The following PDZD2 variants were observed in gnomAD, a reference collection of about 807,000 sequenced individuals.
PDZD2 encodes PDZ domain-containing protein 2.
In PDZD2, 90 loss-of-function variants were observed where a neutral mutation model predicts 220.7. The observed-to-expected ratio is 0.41, with a 90% CI of 0.34 to 0.49. The LOEUF is 0.49. Ranked by LOEUF, PDZD2 falls within the 20% of genes least tolerant of loss-of-function variation. The probability of loss-of-function intolerance (pLI) is 0.28; values close to 1 mark genes in which losing one functional copy is unlikely to be tolerated. For synonymous variants in PDZD2, 1,375 were observed against 1,450.5 expected, an observed-to-expected ratio of 0.95 and a Z score of 1.18; for missense variants, 3,174 against 3,608.5, an observed-to-expected ratio of 0.88 and a Z score of 3.08.
Position 32,048,562 on chromosome 5 carries a change from G to A in PDZD2, c.1543G>A (p.Val515Ile). ...LSGGVHRLES[V>I]EEYNELMVRN... ...AGGGGGTGTACACCGCCTTGAGTCAGTTGAAGAATATAACGAGCTGATGGT... is the reference window on the plus strand; with the variant it reads ...AGGGGGTGTACACCGCCTTGAGTCAATTGAAGAATATAACGAGCTGATGGT... The change falls in exon 8 of 25, where the codon GTT becomes ATT. Residue 515 changes from valine to isoleucine, a missense_variant. By Grantham distance (29) the Val-to-Ile change is conservative. Transcript: ENST00000438447. The A allele has an allele frequency of 6.2e-7, 1 of 1,613,954 alleles. No individual in the cohort carries two copies.
intron 14 of PDZD2, among the ~76,000 whole-genome samples, chr5:32,065,583 A>G (rs773493411): frequency 6.6e-6 from 1 of 152,210 alleles, no homozygotes; most frequent in Non-Finnish European, 1.5e-5. Context: ...CTATGGCTCT[A>G]TGTCTTGATC....
At chr5:32,022,193 G>T (rs9885422) in intron 6 of PDZD2, among the ~76,000 whole-genome samples, 99,446 of 140,238 alleles carry the variant, frequency 0.71, 36,015 homozygotes, top group Non-Finnish European at 0.78. Flanking sequence ...TTGTTTTTTT[G>T]TTTTTTGTTT....
intron 1 of PDZD2, among the ~76,000 whole-genome samples, chr5:31,721,626 G>T (rs1001829189): frequency 4.0e-5 from 6 of 150,560 alleles, no homozygotes; most frequent in Non-Finnish European, 8.8e-5. Context: ...ATATTTATGG[G>T]CTATCTTTAA....
intron 2 of PDZD2, among the ~76,000 whole-genome samples, chr5:31,898,081 A>G (rs1238219600): frequency 6.6e-6 from 1 of 152,058 alleles, no homozygotes; most frequent in Non-Finnish European, 1.5e-5. Context: ...GAGGGTGGAC[A>G]CTCATCATTT....
intron 1 of PDZD2, among the ~76,000 whole-genome samples, chr5:31,796,863 A>G (rs1415244852): frequency 6.6e-6 from 1 of 152,042 alleles, no homozygotes; most frequent in Non-Finnish European, 1.5e-5. Flanking sequence ...GTTTTCCTCA[A>G]TCAGACTTAT....
chr5:32,047,561 A>G (rs534621767), intron 7 of PDZD2, among the ~76,000 whole-genome samples: 3 of 152,356 alleles, frequency 2.0e-5, no homozygotes, highest in Admixed American at 1.3e-4. Flanking sequence ...AGAATACGCA[A>G]CAAAGGCCAT....
chr5:31,693,434 G>T (rs1747229529), intron 1 of PDZD2, among the ~76,000 whole-genome samples: 2 of 152,074 alleles, frequency 1.3e-5, no homozygotes, highest in Non-Finnish European at 2.9e-5. Flanking sequence ...TAAAGACGGG[G>T]TGTCATCATA....
chr5:31,849,939 T>C (rs1315226677), intron 2 of PDZD2, among the ~76,000 whole-genome samples: 382 of 28,460 alleles, frequency 0.013, 130 homozygotes, highest in African/African-American at 0.088. Flanking sequence ...TATACACATA[T>C]ATATATATAC....
intron 2 of PDZD2, among the ~76,000 whole-genome samples, chr5:31,920,517 A>C (rs984788811): frequency 5.2e-4 from 21 of 40,764 alleles, no homozygotes; most frequent in Admixed American, 1.6e-3. Flanking sequence ...AAAAAAAAAA[A>C]AAAAAAAGTC....
At chr5:31,854,545 C>T (rs1758257801) in intron 2 of PDZD2, among the ~76,000 whole-genome samples, 1 of 152,138 alleles carries the variant, frequency 6.6e-6, no homozygotes, top group African/African-American at 2.4e-5. Context: ...CTCAGGCTGC[C>T]GCGGATTATG....
intron 1 of PDZD2, among the ~76,000 whole-genome samples, chr5:31,726,520 A>G (rs1480475641): frequency 6.6e-6 from 1 of 152,050 alleles, no homozygotes; most frequent in Non-Finnish European, 1.5e-5. Flanking sequence ...CAAGAGCGAA[A>G]CTCCATCTCC....
intron 1 of PDZD2, among the ~76,000 whole-genome samples, chr5:31,640,413 C>G (rs1162990751): frequency 6.6e-6 from 1 of 152,240 alleles, no homozygotes; most frequent in Non-Finnish European, 1.5e-5. Context: ...GAGTCTGAGT[C>G]TGTCCCCTGC....
At chr5:31,936,651 T>A (rs1055874386) in intron 2 of PDZD2, among the ~76,000 whole-genome samples, 2 of 152,188 alleles carry the variant, frequency 1.3e-5, no homozygotes, top group Admixed American at 1.3e-4. Context: ...ATAAATGAAC[T>A]GCAGACACTG....
At chr5:31,687,496 C>A (rs1746920040) in intron 1 of PDZD2, among the ~76,000 whole-genome samples, 1 of 152,142 alleles carries the variant, frequency 6.6e-6, no homozygotes, top group Non-Finnish European at 1.5e-5. Context: ...CTTTTTCTAG[C>A]ATGCACCTCC....
chr5:31,902,240 A>G (rs1160913732), intron 2 of PDZD2, among the ~76,000 whole-genome samples: 2 of 152,170 alleles, frequency 1.3e-5, no homozygotes, highest in African/African-American at 4.8e-5. Flanking sequence ...CATCCTCACC[A>G]ACACTTGTTG....
chr5:32,014,910 A>G (rs1364590220), intron 6 of PDZD2, among the ~76,000 whole-genome samples: 2 of 132,546 alleles, frequency 1.5e-5, no homozygotes, highest in Non-Finnish European at 3.1e-5. Context: ...GGGTTCCACC[A>G]TGTTGGCCAG....
chr5:32,010,698 G>A, intron 6 of PDZD2: 1 of 592,692 alleles, frequency 1.7e-6, no homozygotes, highest in East Asian at 3.7e-5. Context: ...TGGTAAACAA[G>A]ATAAGCAACC....
intron 2 of PDZD2, among the ~76,000 whole-genome samples, chr5:31,800,780 A>T (rs547959513): frequency 6.6e-6 from 1 of 152,222 alleles, no homozygotes; most frequent in Non-Finnish European, 1.5e-5. Context: ...AGTGAGATCC[A>T]TGAATTTTGT....
At chr5:32,027,944 C>T (rs978840498) in intron 6 of PDZD2, among the ~76,000 whole-genome samples, 1 of 148,564 alleles carries the variant, frequency 6.7e-6, no homozygotes, top group African/African-American at 2.5e-5. Flanking sequence ...AAAGGGAAAT[C>T]GCTGCGTTCC....
Sources: gnomAD v4.1 joint callset for allele counts (sites outside exome capture counted in the v4.1 genomes callset) on GRCh38, gnomAD v4.1.1 for gene constraint, MANE v1.5 for transcripts, NCBI Gene and HGNC (gene_info 2026-07-23, HGNC 2026-07-21) for gene names.